Variants in TIAM2 observed in about 807,000 individuals in gnomAD.
TIAM2 encodes the protein TIAM Rac1 associated GEF 2.
A neutral mutation model predicts 152.9 loss-of-function variants in TIAM2; 80 were observed. That is an observed-to-expected ratio of 0.52 (90% CI 0.44 to 0.63). The LOEUF is 0.63. Ranked by LOEUF, TIAM2 falls within the 30% of genes least tolerant of loss-of-function variation. The pLI, the probability that TIAM2 is intolerant of heterozygous loss-of-function variation, is 0.00. For synonymous variants in TIAM2, 804 were observed against 838.0 expected, an observed-to-expected ratio of 0.96 and a Z score of 0.70; for missense variants, 1,965 against 2,120.1, an observed-to-expected ratio of 0.93 and a Z score of 1.44.
intron 1 of TIAM2, among the ~76,000 whole-genome samples, chr6:155,080,101 AC>A (rs1778031234): frequency 6.6e-6 from 1 of 152,174 alleles, no homozygotes; most frequent in African/African-American, 2.4e-5. Context: ...ATGAATCACA[AC>A]CCAAAGTAGC....
At chr6:155,240,821 G>T in intron 16 of TIAM2, 112 bp downstream of exon 16, 1 of 1,095,176 alleles carries the variant, frequency 9.1e-7, no homozygotes, top group Non-Finnish European at 1.3e-6. Context: ...CTCCCCAGGG[G>T]GGGACACCTG....
At chr6:155,091,287 G>C (rs559789250) in intron 2 of TIAM2, among the ~76,000 whole-genome samples, 2 of 152,058 alleles carry the variant, frequency 1.3e-5, no homozygotes, top group African/African-American at 2.4e-5. Flanking sequence ...TTTATGTATC[G>C]GCTTGTTGTC....
chr6:155,153,269 T>C (rs1180199519), intron 7 of TIAM2, among the ~76,000 whole-genome samples: 1 of 152,054 alleles, frequency 6.6e-6, no homozygotes, highest in African/African-American at 2.4e-5. Flanking sequence ...CCCTTTCTCA[T>C]GTTAGTCTTG....
intron 1 of TIAM2, among the ~76,000 whole-genome samples, chr6:155,084,575 G>T (rs1389422366): frequency 6.6e-6 from 1 of 151,668 alleles, no homozygotes; most frequent in East Asian, 1.9e-4. Flanking sequence ...TCTCCTTCTA[G>T]CTGGCCATTG....
intron 1 of TIAM2, among the ~76,000 whole-genome samples, chr6:155,043,759 A>G (rs942643442): frequency 6.6e-5 from 10 of 151,962 alleles, no homozygotes; most frequent in Admixed American, 2.6e-4. Context: ...TCTGGTCCCA[A>G]TCTTTCAGTT....
intron 9 of TIAM2, among the ~76,000 whole-genome samples, chr6:155,172,686 A>G (rs7770396): frequency 5.1e-5 from 1 of 19,646 alleles, no homozygotes; most frequent in Admixed American, 1.1e-3. Flanking sequence ...ATATATATAT[A>G]TTTTTTTTTT....
chr6:155,241,757 C>CTGCA (rs1486738247), intron 16 of TIAM2, among the ~76,000 whole-genome samples: 1 of 152,168 alleles, frequency 6.6e-6, no homozygotes, highest in East Asian at 1.9e-4. Context: ...ATGTCTTGTC[C>CTGCA]TGCATCCAGG....
In TIAM2 at chr6:155,249,843, T is replaced by A. The variant is rs370130454; in HGVS notation, c.3833-8T>A. On this transcript the variant is annotated splice_region_variant and splice_polypyrimidine_tract_variant and intron_variant, in intron 20 of 26. Transcript: ENST00000682666. ...GTTATGAAATAAATATGATTTCATA[T>A]CTTGCAGAAGCACTAAAGGCAATGG... 4.4e-6 allele frequency: 7 copies of A among 1,598,204 alleles called. No individual in the cohort carries two copies. The highest frequency in any genetic ancestry group is 6.0e-6 in the Non-Finnish European group (7 of 1,168,892).
Position 155,210,217 on chromosome 6 carries a change from A to T in TIAM2, c.3065-987A>T, listed in dbSNP as rs879839783. Among the ~76,000 whole-genome samples, 74 of 151,758 alleles carry T rather than the reference A, an allele frequency of 4.9e-4. 1 individual carries two copies. Among genetic ancestry groups the T allele is most frequent in the African/African-American group, 1.4e-3 (58 of 41,458 alleles). On this transcript the variant is annotated intron_variant, in intron 14 of 26. Coordinates refer to ENST00000682666, the MANE Select transcript of TIAM2 (RefSeq NM_012454.4). ...GTTCTACTTATTTCATATTATTTAA[A>T]TTTTTTAATGTTTTAATTTTTAATT...
chr6:155,032,272 CT>C (rs1776839797), intron 1 of TIAM2, among the ~76,000 whole-genome samples: 1 of 152,184 alleles, frequency 6.6e-6, no homozygotes, highest in South Asian at 2.1e-4. Flanking sequence ...GTTTGGAAAG[CT>C]TCCATTGTGA....
chr6:155,121,624 T>G (rs1041729070), intron 2 of TIAM2, among the ~76,000 whole-genome samples: 3 of 152,114 alleles, frequency 2.0e-5, no homozygotes, highest in African/African-American at 7.2e-5. Flanking sequence ...AAGTAGATAT[T>G]GCTATGGTTA....
chr6:155,072,984 C>A (rs113821036), intron 1 of TIAM2, among the ~76,000 whole-genome samples: 3 of 152,070 alleles, frequency 2.0e-5, no homozygotes, highest in Non-Finnish European at 4.4e-5. Context: ...ATAGTTAGCA[C>A]AATTAAAATC....
chr6:155,007,811 A>G (rs1277600951), intron 1 of TIAM2, among the ~76,000 whole-genome samples: 2 of 152,198 alleles, frequency 1.3e-5, no homozygotes, highest in Admixed American at 1.3e-4. Context: ...CCATTAGTCT[A>G]AACGTGTGAG....
chr6:155,025,246 T>C (rs9397216), intron 1 of TIAM2, among the ~76,000 whole-genome samples: 2 of 148,112 alleles, frequency 1.4e-5, no homozygotes, highest in African/African-American at 5.0e-5. Context: ...CAGGCTGGAG[T>C]GCAGTGGCAT....
intron 1 of TIAM2, among the ~76,000 whole-genome samples, chr6:155,055,768 C>T (rs569562787): frequency 1.4e-4 from 22 of 152,138 alleles, no homozygotes; most frequent in African/African-American, 4.6e-4. Flanking sequence ...TTAAGACCAG[C>T]GTGGGCAACA....
Position 155,129,196 on chromosome 6 carries a change from G to A in TIAM2, c.-6-22G>A, listed in dbSNP as rs1404416550. ...ATGTAATTTAGGCCACGGTCTTACTGATGCAACTGTTCTTAATTTAGGTTA... is the reference window on the plus strand; with the variant it reads ...ATGTAATTTAGGCCACGGTCTTACTAATGCAACTGTTCTTAATTTAGGTTA... On this transcript the variant is annotated intron_variant, in intron 3 of 26. Transcript: ENST00000682666. The surrounding 1 kb of genome is among the most constrained non-coding windows in gnomAD (Gnocchi z 4.8). 1 of 1,600,274 alleles carries A rather than the reference G, an allele frequency of 6.2e-7. No homozygotes were observed. Among genetic ancestry groups the A allele is most frequent in the Admixed American group, 1.7e-5 (1 of 59,666 alleles).
intron 14 of TIAM2, among the ~76,000 whole-genome samples, chr6:155,185,123 CTTTTTTTTTT>C (rs11404301): frequency 1.1e-4 from 10 of 92,402 alleles, no homozygotes; most frequent in South Asian, 4.1e-4. Context: ...GCAAATTTAC[CTTTTTTTTTT>C]TTTTTTTTTT....
chr6:155,093,128 G>A (rs921315779), intron 2 of TIAM2, among the ~76,000 whole-genome samples: 2 of 152,194 alleles, frequency 1.3e-5, no homozygotes, highest in African/African-American at 4.8e-5. Context: ...GAGTTTTCCA[G>A]TTGTGCTTGT....
At chr6:155,011,024 A>G (rs1362119236) in intron 1 of TIAM2, among the ~76,000 whole-genome samples, 1 of 149,896 alleles carries the variant, frequency 6.7e-6, no homozygotes, top group Non-Finnish European at 1.5e-5. Context: ...AGCCTTGGTG[A>G]CAAGAGTGAA....
Sources: allele counts gnomAD v4.1 joint callset (sites outside exome capture counted in the v4.1 genomes callset), GRCh38; gene constraint gnomAD v4.1.1; non-coding constraint Gnocchi (gnomAD v3.1); transcripts MANE v1.5; gene names NCBI Gene and HGNC (gene_info 2026-07-23, HGNC 2026-07-21).